APBB2: variants seen among roughly 807,000 people sequenced by gnomAD.
APBB2 encodes the protein amyloid beta precursor protein binding family B member 2.
APBB2 carries 38 observed loss-of-function variants against 82.5 expected under a neutral mutation model. The observed-to-expected ratio is 0.46, with a 90% CI of 0.36 to 0.60. The LOEUF is 0.60. Among genes scored for constraint, APBB2 ranks in the 20% least tolerant of loss-of-function variants. The pLI is 0.00. For missense variants in APBB2, 772 were observed against 972.3 expected (o/e 0.79, Z 2.74); for synonymous variants, 341 against 368.2 (o/e 0.93, Z 0.85).
chr4:40,831,522 G>A (rs2154302737), intron 12 of APBB2, among the ~76,000 whole-genome samples: 1 of 152,336 alleles, frequency 6.6e-6, no homozygotes, highest in African/African-American at 2.4e-5. Context: ...AATAACCAGT[G>A]TTATGATTAG....
intron 15 of APBB2, 134 bp downstream of exon 15, chr4:40,825,753 G>GGTGACAGT (rs781322502): frequency 3.3e-4 from 231 of 698,386 alleles, no homozygotes; most frequent in Non-Finnish European, 5.4e-4. Flanking sequence ...TTCTCTGGCA[G>GGTGACAGT]GTGACAGTGT....
At chr4:41,146,416 C>T (rs1337175487) in intron 1 of APBB2, among the ~76,000 whole-genome samples, 11 of 151,354 alleles carry the variant, frequency 7.3e-5, no homozygotes, top group Non-Finnish European at 1.6e-4. Context: ...ATTGCTTGAT[C>T]CTGGGCGGTT....
chr4:41,096,593 C>A (rs544589345), intron 3 of APBB2, among the ~76,000 whole-genome samples: 1 of 152,300 alleles, frequency 6.6e-6, no homozygotes, highest in South Asian at 2.1e-4. Context: ...CTACATTTAC[C>A]AATTAAACAT....
At chr4:40,995,004 T>A (rs1803245509) in intron 6 of APBB2, among the ~76,000 whole-genome samples, 1 of 151,856 alleles carries the variant, frequency 6.6e-6, no homozygotes, top group Non-Finnish European at 1.5e-5. Context: ...GAGGGACTCT[T>A]AGGCAATGCA....
chr4:41,052,763 TTTCTTTC>T (rs1423784224), intron 4 of APBB2, among the ~76,000 whole-genome samples: 5 of 144,870 alleles, frequency 3.5e-5, no homozygotes, highest in Non-Finnish European at 6.0e-5. Context: ...TTTTTCTTTC[TTTCTTTC>T]TTCTTTTTTT....
At chr4:40,956,574 A>G (rs542846709) in intron 6 of APBB2, among the ~76,000 whole-genome samples, 2 of 152,162 alleles carry the variant, frequency 1.3e-5, no homozygotes, top group South Asian at 2.1e-4. Flanking sequence ...TTTGTATTCA[A>G]TTGAACTTCC....
At chr4:40,819,697 A>C (rs1216644497) in intron 17 of APBB2, among the ~76,000 whole-genome samples, 1 of 152,128 alleles carries the variant, frequency 6.6e-6, no homozygotes, top group East Asian at 1.9e-4. Flanking sequence ...CAAACCCTCC[A>C]ATGCTGCCCT....
Position 40,893,378 on chromosome 4 carries a change from T to C in APBB2, c.1288A>G (p.Met430Val), listed in dbSNP as rs766876387. 3 of 1,613,324 alleles carry C rather than the reference T, an allele frequency of 1.9e-6. No individual in the cohort carries two copies. The highest frequency in any genetic ancestry group is 3.3e-5 in the Admixed American group (2 of 59,894). ...CCGGGGGCGAGGTCCTCTTCTGCCA[T>C]CTCTACCCATCCCAGAGAACGCACA... is the stretch of plus-strand genomic sequence containing the variant. ...FAVRSLGWVE[M>V]AEEDLAPGKS... Residue 430 changes from methionine to valine, a missense_variant, in exon 11 of 18, where the codon ATG (methionine) becomes GTG (valine). Transcript: ENST00000508593.
chr4:40,897,332 C>T (rs527553881), intron 10 of APBB2, among the ~76,000 whole-genome samples: 3 of 152,096 alleles, frequency 2.0e-5, no homozygotes, highest in Non-Finnish European at 4.4e-5. Flanking sequence ...GGTGAAACCC[C>T]GTTTCTACTA....
At position 40,836,479 on chromosome 4, in the gene APBB2, AAAAC is replaced by A. The variant is rs371261720; in HGVS notation, c.1530-5906_1530-5903del. ...GCAAACACAGCAAGACTCCATCTCA[AAAAC>A]AAACAAACAAACAAACAAACAAAAA... On this transcript the variant is annotated intron_variant, in intron 12 of 17. Coordinates refer to ENST00000508593, the MANE Select transcript of APBB2 (RefSeq NM_004307.2). Among the ~76,000 whole-genome samples, 611 of 152,122 alleles carry A rather than the reference AAAAC, an allele frequency of 4.0e-3. 2 individuals carry two copies. The highest frequency in any genetic ancestry group is 0.013 in the African/African-American group (555 of 41,522).
chr4:41,046,983 C>T (rs1723665460), intron 4 of APBB2, among the ~76,000 whole-genome samples: 1 of 152,204 alleles, frequency 6.6e-6, no homozygotes, highest in Non-Finnish European at 1.5e-5. Context: ...ACTCATCATT[C>T]ATTCCCCTAG....
At chr4:40,907,379 A>ATTTTTTTT (rs55814804) in intron 10 of APBB2, among the ~76,000 whole-genome samples, 16 of 37,394 alleles carry the variant, frequency 4.3e-4, no homozygotes, top group African/African-American at 1.1e-3. Flanking sequence ...ATATATATAT[A>ATTTTTTTT]TTTTTTTTTT....
At chr4:40,825,609 G>C in intron 15 of APBB2, 1 of 374,676 alleles carries the variant, frequency 2.7e-6, no homozygotes, top group Admixed American at 4.0e-5. Flanking sequence ...CCACGGCCCT[G>C]AGTCACACAG....
In APBB2 at chr4:40,934,416, A is replaced by G. The variant is rs768213552; in HGVS notation, c.1254+40T>C. ...TGATCCAAAGTCATTATTTGGATCT[A>G]AGAATATAACCTGGTGGCTGAAAGC... On this transcript the variant is annotated intron_variant, in intron 10 of 17. Transcript: ENST00000508593. 8.8e-6 allele frequency: 14 copies of G among 1,583,716 alleles called. No individual in the cohort carries two copies. In the South Asian group the frequency reaches 1.5e-4, roughly 18 times the overall value.
At chr4:40,968,458 G>A (rs1280947248) in intron 6 of APBB2, among the ~76,000 whole-genome samples, 1 of 152,048 alleles carries the variant, frequency 6.6e-6, no homozygotes, top group Non-Finnish European at 1.5e-5. Context: ...TCATACTACA[G>A]CTATTAATTT....
At chr4:40,882,695 C>T (rs1314005445) in intron 12 of APBB2, among the ~76,000 whole-genome samples, 2 of 152,114 alleles carry the variant, frequency 1.3e-5, no homozygotes, top group South Asian at 4.1e-4. Context: ...TCTGCGGAGT[C>T]CCAGCCCCAG....
chr4:41,008,727 C>G (rs1285191529), intron 6 of APBB2, among the ~76,000 whole-genome samples: 1 of 152,218 alleles, frequency 6.6e-6, no homozygotes, highest in Non-Finnish European at 1.5e-5. Flanking sequence ...TTAATCTTCA[C>G]AGCAGGTCTA....
intron 3 of APBB2, among the ~76,000 whole-genome samples, chr4:41,096,000 C>T (rs1743347900): frequency 6.6e-6 from 1 of 152,172 alleles, no homozygotes; most frequent in Non-Finnish European, 1.5e-5. Flanking sequence ...GAGTTCTTGC[C>T]ACTCTCTGGA....
chr4:41,209,483 G>C, intron 1 of APBB2, among the ~76,000 whole-genome samples: 1 of 152,192 alleles, frequency 6.6e-6, no homozygotes, highest in East Asian at 1.9e-4. Context: ...AGTGAAAGTC[G>C]TATTCCAGAG....
Sources: allele counts gnomAD v4.1 joint callset (sites outside exome capture counted in the v4.1 genomes callset), GRCh38; gene constraint gnomAD v4.1.1; transcripts MANE v1.5; gene names NCBI Gene and HGNC (gene_info 2026-07-23, HGNC 2026-07-21).